LY9: variants seen among roughly 807,000 people sequenced by gnomAD.
The protein encoded by LY9 is lymphocyte antigen 9, also known as T-lymphocyte surface antigen Ly-9.
A neutral mutation model predicts 64.6 loss-of-function variants in LY9; 59 were observed. The ratio of observed to expected loss-of-function variants is 0.91; its 90% confidence interval spans 0.74 to 1.13. The LOEUF is 1.13. Among genes scored for constraint, LY9 ranks in the 50% most tolerant of loss-of-function variants. LY9 has a pLI of 0.00. For missense variants in LY9, 789 were observed against 797.2 expected, an observed-to-expected ratio of 0.99 and a Z score of 0.12; for synonymous variants, 281 against 308.5, an observed-to-expected ratio of 0.91 and a Z score of 0.93.
Position 160,819,383 on chromosome 1 carries a change from AC to A in LY9, c.1498+12del, listed in dbSNP as rs1309469566. The A allele has an allele frequency of 8.1e-6, 13 of 1,611,128 alleles. No individual in the cohort carries two copies. The highest frequency in any genetic ancestry group is 1.1e-5 in the Non-Finnish European group (13 of 1,177,542). On this transcript the variant is annotated intron_variant, in intron 7 of 9. Transcript: ENST00000263285. ...CCCAGCGGATACACCAGGTAACATC[AC>A]CCATGACACAGGCTATGGGGTATCT...
intron 7 of LY9, among the ~76,000 whole-genome samples, chr1:160,822,253 GA>G (rs113348986): frequency 0.032 from 4,795 of 152,154 alleles, 245 homozygotes; most frequent in African/African-American, 0.11. Flanking sequence ...GAGGGGTGGG[GA>G]CCGGCTGCTG....
intron 1 of LY9, 60 bp downstream of exon 1, chr1:160,796,371 T>C: frequency 6.4e-7 from 1 of 1,551,140 alleles, no homozygotes; most frequent in East Asian, 2.3e-5. Context: ...GCCAGTTGCA[T>C]TCCCTGCCTG....
At chr1:160,818,367 T>C (rs1571039860) in intron 6 of LY9, 48 bp downstream of exon 6, 11 of 1,409,238 alleles carry the variant, frequency 7.8e-6, no homozygotes, top group African/African-American at 1.4e-5. Context: ...GCCATTTCCC[T>C]GGGACTTGTG....
At chr1:160,827,522 G>A (rs762548467) in intron 9 of LY9, among the ~76,000 whole-genome samples, 1 of 152,172 alleles carries the variant, frequency 6.6e-6, no homozygotes, top group African/African-American at 2.4e-5. Flanking sequence ...GCACTAAACT[G>A]TCTTGTGTTG....
intron 2 of LY9, chr1:160,801,813 G>C: frequency 1.2e-6 from 2 of 1,613,970 alleles, no homozygotes; most frequent in Non-Finnish European, 1.7e-6. Flanking sequence ...AAAGTTGTCC[G>C]TCCACGTCAT....
chr1:160,814,786 T>A, intron 4 of LY9, 25 bp downstream of exon 4: 1 of 1,578,606 alleles, frequency 6.3e-7, no homozygotes, highest in Non-Finnish European at 8.6e-7. Flanking sequence ...AGGGCACCCA[T>A]CACCAGATTC....
Position 160,808,625 on chromosome 1 carries a change from G to A in LY9, c.455-5011G>A, listed in dbSNP as rs77692746. ...GGGAAATCACTCCCAGCTCCCAGCAGATCTCAGCCAGGGAGGCTGTCTCTG... is the reference window on the plus strand; with the variant it reads ...GGGAAATCACTCCCAGCTCCCAGCAAATCTCAGCCAGGGAGGCTGTCTCTG... On this transcript the variant is annotated intron_variant, in intron 2 of 9. Coordinates refer to ENST00000263285, the MANE Select transcript of LY9 (RefSeq NM_002348.4). Among the ~76,000 whole-genome samples the A allele has an allele frequency of 2.5e-4, 38 of 152,330 alleles. No homozygotes were observed. In the East Asian group the frequency reaches 6.6e-3, roughly 26 times the overall value.
rs770911854 is a variant in LY9, at chr1:160,814,733, C to T, written c.1044C>T (p.Ser348=). 1 of 1,613,824 alleles carries T rather than the reference C, an allele frequency of 6.2e-7. No homozygotes were observed. Among genetic ancestry groups the T allele is most frequent in the Admixed American group, 1.7e-5 (1 of 59,998 alleles). Residue 348 remains serine, a synonymous_variant, in exon 4 of 10, where the codon AGC becomes AGT. Coordinates refer to ENST00000263285, the MANE Select transcript of LY9 (RefSeq NM_002348.4). ...YVCSEASSVT[S]MTHVTLLIYR... ...GCTCAGAGGCCTCCAGCGTCACCAG[C>T]ATGACACATGTCACCCTGCTCATCT...
At position 160,814,664 on chromosome 1, in the gene LY9, C is replaced by G. The variant is rs1667798304; in HGVS notation, c.975C>G (p.Ser325Arg). ...GCCAGGACTGCTCCCTGAAGATCAGCCAGCTGAAGATAGAGGACGCCGGCC... is the reference window on the plus strand; with the variant it reads ...GCCAGGACTGCTCCCTGAAGATCAGGCAGCTGAAGATAGAGGACGCCGGCC... ...VSSQDCSLKI[S>R]QLKIEDAGPY... is the part of the protein sequence containing the mutation. The change falls in exon 4 of 10, where the codon AGC becomes AGG. Residue 325 changes from serine to arginine, a missense_variant. Physicochemically the swap from Ser to Arg is moderately radical, Grantham distance 110. Coordinates refer to ENST00000263285, the MANE Select transcript of LY9 (RefSeq NM_002348.4). The G allele has an allele frequency of 6.2e-7, 1 of 1,614,060 alleles. No individual in the cohort carries two copies. The highest frequency in any genetic ancestry group is 8.5e-7 in the Non-Finnish European group (1 of 1,180,016).
intron 5 of LY9, among the ~76,000 whole-genome samples, chr1:160,817,670 C>G (rs1248636772): frequency 1.3e-5 from 2 of 152,166 alleles, no homozygotes; most frequent in African/African-American, 4.8e-5. Context: ...CGTTTTTCCC[C>G]TTTATATGGA....
intron 2 of LY9, chr1:160,810,804 A>G (rs1215921782): frequency 6.6e-6 from 1 of 152,194 alleles, no homozygotes; most frequent in Non-Finnish European, 1.5e-5. Context: ...GATATGATTC[A>G]CCCTGAGGCA....
Position 160,815,326 on chromosome 1 carries a change from GCAAGACTCCGTCTAAAAAAAACAAAA to G in LY9, c.1072+569_1072+594del, listed in dbSNP as rs914020340. On this transcript the variant is annotated intron_variant, in intron 4 of 9. Transcript: ENST00000263285. ...ACTTCACTCCAGCCTGAGAGAAAGA[GCAAGACTCCGTCTAAAAAAAACAAAA>G]CAAAACAAAACAAAGGGACTGGGAA... is the stretch of plus-strand genomic sequence containing the variant. 1.1e-4 allele frequency: 17 copies of G among 150,946 alleles called. 1 individual carries two copies. Among genetic ancestry groups the G allele is most frequent in the African/African-American group, 4.1e-4 (17 of 41,372 alleles). The allele number at this position is 150,946 out of a possible 1,614,324, so 9.4% of individuals were successfully genotyped here.
chr1:160,823,719 C>T lies in LY9; in HGVS notation c.1753C>T (p.Pro585Ser). The T allele has an allele frequency of 6.2e-7, 1 of 1,614,174 alleles. No homozygotes were observed. The highest frequency in any genetic ancestry group is 8.5e-7 in the Non-Finnish European group (1 of 1,180,016). The change falls in exon 8 of 10, where the codon CCC becomes TCC. Residue 585 changes from proline (P) to serine (S), a missense_variant. Coordinates refer to ENST00000263285, the MANE Select transcript of LY9 (RefSeq NM_002348.4). Reference sequence around the variant, plus strand: ...CCCTGAGGGCCAAGCAGACTATGATCCCGTCACTCCATATGTCACGGAAGT... The same window carrying T: ...CCCTGAGGGCCAAGCAGACTATGATTCCGTCACTCCATATGTCACGGAAGT... ...PAPEGQADYDPVTPYVTEVES... is the reference protein window; with the variant it reads ...PAPEGQADYDSVTPYVTEVES...
intron 2 of LY9, chr1:160,801,973 C>G: frequency 6.3e-7 from 1 of 1,591,332 alleles, no homozygotes; most frequent in Non-Finnish European, 8.6e-7. Flanking sequence ...CTCACCGCCG[C>G]GCAGCAGAGC....
chr1:160,811,280 A>G (rs1008178379), intron 2 of LY9: 1 of 151,950 alleles, frequency 6.6e-6, no homozygotes, highest in African/African-American at 2.4e-5. Flanking sequence ...AGCCTGACAC[A>G]CTCCTTCATT....
chr1:160,816,858 G>A lies in LY9; in HGVS notation c.1337G>A (p.Cys446Tyr). The A allele has an allele frequency of 6.2e-7, 1 of 1,614,184 alleles. No homozygotes were observed. The highest frequency in any genetic ancestry group is 8.5e-7 in the Non-Finnish European group (1 of 1,180,030). ...SSHQFLSENI[C>Y]SGPERNTKLW... ...CACCAGTTTCTTTCTGAGAACATCT[G>A]TTCAGGTTTCTCTCCATCTCTATTT... is the stretch of plus-strand genomic sequence containing the variant. Residue 446 changes from cysteine to tyrosine, a missense_variant, in exon 5 of 10, where the codon TGT becomes TAT. Coordinates refer to ENST00000263285, the MANE Select transcript of LY9 (RefSeq NM_002348.4).
chr1:160,819,545 T>C (rs1398203527), intron 7 of LY9, among the ~76,000 whole-genome samples, 171 bp downstream of exon 7: 1 of 151,760 alleles, frequency 6.6e-6, no homozygotes, highest in Non-Finnish European at 1.5e-5. Context: ...ATCCCAGCAC[T>C]TCGGGAGGCT....
chr1:160,807,541 G>A (rs1667091943), intron 2 of LY9, among the ~76,000 whole-genome samples: 1 of 152,170 alleles, frequency 6.6e-6, no homozygotes, highest in South Asian at 2.1e-4. Context: ...GTCTCCAGGT[G>A]GCTTGCTCAG....
At chr1:160,821,282 A>G (rs1263017658) in intron 7 of LY9, among the ~76,000 whole-genome samples, 1 of 152,088 alleles carries the variant, frequency 6.6e-6, no homozygotes, top group Non-Finnish European at 1.5e-5. Context: ...ACAGACCTGA[A>G]TCCTTTCAGA....
Sources: gnomAD v4.1 joint callset for allele counts (sites outside exome capture counted in the v4.1 genomes callset) on GRCh38, gnomAD v4.1.1 for gene constraint, MANE v1.5 for transcripts, NCBI Gene and HGNC (gene_info 2026-07-23, HGNC 2026-07-21) for gene names.